Variants in DECR1 observed in about 807,000 individuals in gnomAD.
DECR1 encodes 2,4-dienoyl-CoA reductase [(3E)-enoyl-CoA-producing], mitochondrial.
A neutral mutation model predicts 38.8 loss-of-function variants in DECR1; 44 were observed. The observed-to-expected ratio is 1.13, with a 90% confidence interval of 0.89 to 1.46. The LOEUF (loss-of-function observed/expected upper bound fraction) is 1.46, where lower values mean the gene tolerates loss of function less well. Among genes scored for constraint, DECR1 ranks in the 40% most tolerant of loss-of-function variants. DECR1 has a pLI of 0.00. For synonymous variants in DECR1, 148 were observed against 135.2 expected (o/e 1.09, Z -0.66); for missense variants, 428 against 405.5 (o/e 1.06, Z -0.48).
At chr8:90,019,287 C>A in intron 4 of DECR1, 115 bp downstream of exon 4, 1 of 833,080 alleles carries the variant, frequency 1.2e-6, no homozygotes, top group Non-Finnish European at 1.9e-6. Flanking sequence ...AAGCCCGAAT[C>A]TGGGGCTTAG....
chr8:90,012,312 C>A (rs1331330685), intron 1 of DECR1, among the ~76,000 whole-genome samples: 1 of 151,846 alleles, frequency 6.6e-6, no homozygotes. Flanking sequence ...GCCACCACGC[C>A]CGGCTAATTT....
At chr8:90,004,514 G>A (rs1397816906) in intron 1 of DECR1, among the ~76,000 whole-genome samples, 2 of 152,130 alleles carry the variant, frequency 1.3e-5, no homozygotes, top group African/African-American at 4.8e-5. Flanking sequence ...ATCATTCCAG[G>A]CATCTGTTCT....
intron 8 of DECR1, among the ~76,000 whole-genome samples, chr8:90,050,058 T>G (rs1429230502): frequency 6.6e-6 from 1 of 152,160 alleles, no homozygotes; most frequent in Admixed American, 6.5e-5. Flanking sequence ...ATGTTAGACC[T>G]GAAACTATAA....
At chr8:90,038,444 C>T (rs1813668688) in intron 6 of DECR1, among the ~76,000 whole-genome samples, 1 of 148,536 alleles carries the variant, frequency 6.7e-6, no homozygotes, top group Admixed American at 6.7e-5. Context: ...GAGAGCAGGG[C>T]ATCGCGGGCC....
chr8:90,044,202 T>A (rs957152075), intron 7 of DECR1, among the ~76,000 whole-genome samples: 1 of 152,062 alleles, frequency 6.6e-6, no homozygotes, highest in Non-Finnish European at 1.5e-5. Flanking sequence ...TGTCATGGAG[T>A]CCCCTGAGTG....
At chr8:90,049,010 C>T (rs920817297) in intron 8 of DECR1, among the ~76,000 whole-genome samples, 2 of 152,190 alleles carry the variant, frequency 1.3e-5, no homozygotes, top group Admixed American at 6.5e-5. Context: ...TAAAAACTCT[C>T]AGTAAACTAG....
In DECR1 at chr8:90,019,949, C is replaced by T. The variant is rs1001155094; in HGVS notation, c.417+777C>T. The stretch of plus-strand genomic sequence containing the variant: ...TAACAAGAGCAGTTATCCAAGAGTA[C>T]AGCATTGAGTTTAAATGATTGATGC... On this transcript the variant is annotated intron_variant, in intron 4 of 9. Coordinates refer to ENST00000220764, the MANE Select transcript of DECR1 (RefSeq NM_001359.2). Among the ~76,000 whole-genome samples the T allele has an allele frequency of 3.3e-5, 5 of 152,308 alleles. No homozygotes were observed. In the South Asian group the frequency reaches 6.2e-4, roughly 19 times the overall value.
chr8:90,044,581 AT>A (rs1400042322), intron 7 of DECR1, among the ~76,000 whole-genome samples: 2 of 152,172 alleles, frequency 1.3e-5, no homozygotes, highest in Non-Finnish European at 2.9e-5. Flanking sequence ...CTTTATATAC[AT>A]TTTTTCATTT....
At chr8:90,042,836 G>T (rs1175161967) in intron 7 of DECR1, 36 bp downstream of exon 7, 1 of 1,532,826 alleles carries the variant, frequency 6.5e-7, no homozygotes. Context: ...CATTGTGAAT[G>T]ATTAAATAAT....
chr8:90,020,850 G>A lies in DECR1; in HGVS notation c.418-59G>A. ...TAATACATTTCAGAAAAAAAACCCTGCAGGGAAAATGTTTTTCCTCATCTA... is the reference window on the plus strand; with the variant it reads ...TAATACATTTCAGAAAAAAAACCCTACAGGGAAAATGTTTTTCCTCATCTA... On this transcript the variant is annotated intron_variant, in intron 4 of 9. Coordinates refer to ENST00000220764, the MANE Select transcript of DECR1 (RefSeq NM_001359.2). The A allele has an allele frequency of 2.2e-6, 3 of 1,384,680 alleles. No homozygotes were observed. The African/African-American group carries it at 4.5e-5, about 21-fold the overall frequency. The allele number at this position is 1,384,680 out of a possible 1,614,324, so 85.8% of individuals were successfully genotyped here.
At chr8:90,047,725 A>C (rs751449626) in intron 8 of DECR1, among the ~76,000 whole-genome samples, 13 of 152,204 alleles carry the variant, frequency 8.5e-5, no homozygotes, top group Non-Finnish European at 1.6e-4. Context: ...AATCAACAGA[A>C]TATATATTCT....
In DECR1 at chr8:90,019,350, G is replaced by A. The variant is rs116055654; in HGVS notation, c.417+178G>A. Among the ~76,000 whole-genome samples the A allele has an allele frequency of 0.012, 1,873 of 152,346 alleles. 39 individuals carry two copies. Among genetic ancestry groups the A allele is most frequent in the African/African-American group, 0.042 (1,735 of 41,576 alleles). Reference sequence around the variant, plus strand: ...GAAAGAATTCAAGGATGAGCCGGTGGTAGAAGAGAACAGCTTTATTGAAGC... The same window carrying A: ...GAAAGAATTCAAGGATGAGCCGGTGATAGAAGAGAACAGCTTTATTGAAGC... On this transcript the variant is annotated intron_variant, in intron 4 of 9. Transcript: ENST00000220764.
At chr8:90,007,233 A>AG (rs1936383687) in intron 1 of DECR1, among the ~76,000 whole-genome samples, 1 of 152,160 alleles carries the variant, frequency 6.6e-6, no homozygotes, top group African/African-American at 2.4e-5. Context: ...ATGAGGCAGA[A>AG]GAGAGGGACA....
At chr8:90,029,918 C>T (rs1253056413) in intron 5 of DECR1, among the ~76,000 whole-genome samples, 1 of 152,080 alleles carries the variant, frequency 6.6e-6, no homozygotes, top group Non-Finnish European at 1.5e-5. Flanking sequence ...TAGTCCACTC[C>T]TCACTGAAGG....
intron 1 of DECR1, chr8:90,006,020 C>T: frequency 1.7e-6 from 1 of 601,262 alleles, no homozygotes; most frequent in Non-Finnish European, 3.0e-6. Context: ...AGTGCAAACT[C>T]ACTTGCCACT....
At chr8:90,045,175 A>ATTAGTCTG (rs1813861633) in intron 8 of DECR1, 180 bp downstream of exon 8, 3 of 423,300 alleles carry the variant, frequency 7.1e-6, no homozygotes, top group Non-Finnish European at 1.2e-5. Flanking sequence ...TCAGTGATGT[A>ATTAGTCTG]TTAGTCTGTT....
intron 5 of DECR1, among the ~76,000 whole-genome samples, chr8:90,024,774 TTAGACA>T: frequency 6.6e-6 from 1 of 152,218 alleles, no homozygotes; most frequent in Non-Finnish European, 1.5e-5. Flanking sequence ...TTTTGGTGTT[TTAGACA>T]TGAAGCCCTT....
intron 5 of DECR1, among the ~76,000 whole-genome samples, chr8:90,024,144 T>C (rs1291575013): frequency 2.6e-5 from 4 of 152,202 alleles, no homozygotes; most frequent in African/African-American, 9.7e-5. Flanking sequence ...TGGTTCCAAG[T>C]CTTTGCTATT....
intron 8 of DECR1, among the ~76,000 whole-genome samples, chr8:90,048,295 T>A (rs1813965739): frequency 6.6e-6 from 1 of 151,542 alleles, no homozygotes; most frequent in Non-Finnish European, 1.5e-5. Context: ...CTAGCAAGAC[T>A]AATAAAGAAG....
Sources: allele counts gnomAD v4.1 joint callset (sites outside exome capture counted in the v4.1 genomes callset), GRCh38; gene constraint gnomAD v4.1.1; transcripts MANE v1.5; gene names NCBI Gene and HGNC (gene_info 2026-07-23, HGNC 2026-07-21).